PRELID2: variants seen among roughly 807,000 people sequenced by gnomAD.
The protein encoded by PRELID2 is PRELI domain containing 2, also known as PRELI domain-containing protein 2.
A neutral mutation model predicts 28.4 loss-of-function variants in PRELID2; 25 were observed. The observed-to-expected ratio is 0.88, with a 90% CI of 0.64 to 1.23. PRELID2 has a LOEUF of 1.23. Among genes scored for constraint, PRELID2 ranks in the 50% most tolerant of loss-of-function variants. The pLI is 0.00. For missense variants in PRELID2, 201 were observed against 214.4 expected, an observed-to-expected ratio of 0.94 and a Z score of 0.39; for synonymous variants, 76 against 71.6, an observed-to-expected ratio of 1.06 and a Z score of -0.31.
At chr5:145,229,485 T>C in the PRELID2 span, 1 of 1,053,500 alleles carries the variant, frequency 9.5e-7, no homozygotes, top group Non-Finnish European at 1.5e-6. Flanking sequence ...CCTGACATTC[T>C]CAAGATCCAA....
At chr5:145,640,753 C>T (rs1222601685) in intron 1 of PRELID2, among the ~76,000 whole-genome samples, 1 of 151,908 alleles carries the variant, frequency 6.6e-6, no homozygotes. Flanking sequence ...GATTCACCAA[C>T]CCCCCAATAA....
the PRELID2 span, among the ~76,000 whole-genome samples, chr5:145,453,995 G>C: frequency 6.6e-6 from 1 of 152,008 alleles, no homozygotes; most frequent in Non-Finnish European, 1.5e-5. Context: ...TAGGATTCCT[G>C]GGTCAAATGG....
the PRELID2 span, among the ~76,000 whole-genome samples, chr5:145,253,039 G>A: frequency 6.6e-6 from 1 of 152,098 alleles, no homozygotes. Context: ...CAGAAAGAGA[G>A]AAAAATGATT....
chr5:145,490,492 A>G (rs1214119161), intron 1 of PRELID2, among the ~76,000 whole-genome samples: 1 of 152,228 alleles, frequency 6.6e-6, no homozygotes, highest in Non-Finnish European at 1.5e-5. Flanking sequence ...ACAAAAGGAA[A>G]AGAAGAAAAG....
At chr5:145,508,824 G>A (rs1176077665) in intron 1 of PRELID2, among the ~76,000 whole-genome samples, 1 of 152,118 alleles carries the variant, frequency 6.6e-6, no homozygotes, top group East Asian at 1.9e-4. Context: ...ACAGAATGGT[G>A]GACCAAAAAT....
intron 1 of PRELID2, among the ~76,000 whole-genome samples, chr5:145,659,727 C>T (rs1014988441): frequency 1.3e-5 from 2 of 152,116 alleles, no homozygotes; most frequent in African/African-American, 4.8e-5. Flanking sequence ...CACCCAGCCT[C>T]GTGTAAATGC....
At chr5:145,789,954 C>T (rs112859466) in intron 5 of PRELID2, among the ~76,000 whole-genome samples, 14 of 152,270 alleles carry the variant, frequency 9.2e-5, no homozygotes, top group African/African-American at 3.4e-4. Flanking sequence ...GATATCACCT[C>T]ATACTTGTTA....
intron 1 of PRELID2, among the ~76,000 whole-genome samples, chr5:145,587,861 A>G (rs1427223568): frequency 6.6e-6 from 1 of 152,226 alleles, no homozygotes; most frequent in Non-Finnish European, 1.5e-5. Context: ...AACTTTTTTC[A>G]GGCCACTGGG....
chr5:145,567,719 C>T (rs1752980008), intron 1 of PRELID2, among the ~76,000 whole-genome samples: 1 of 151,776 alleles, frequency 6.6e-6, no homozygotes, highest in Admixed American at 6.6e-5. Context: ...CCTGCTGGCA[C>T]TTCTCTTTCC....
At chr5:145,631,288 C>T (rs1753928754) in intron 1 of PRELID2, among the ~76,000 whole-genome samples, 1 of 152,138 alleles carries the variant, frequency 6.6e-6, no homozygotes, top group Admixed American at 6.6e-5. Flanking sequence ...CACCAGTTGG[C>T]AAGTCACTGC....
chr5:145,419,220 T>A, the PRELID2 span, among the ~76,000 whole-genome samples: 7 of 148,386 alleles, frequency 4.7e-5, no homozygotes, highest in Admixed American at 4.1e-4. Context: ...AGCAGCATGA[T>A]TTATAGTCCT....
the PRELID2 span, among the ~76,000 whole-genome samples, chr5:145,360,103 A>G: frequency 2.0e-5 from 3 of 152,220 alleles, no homozygotes; most frequent in Non-Finnish European, 4.4e-5. Flanking sequence ...GGAACCAGCC[A>G]CACTCCTGTG....
rs1043123491 is a variant in PRELID2 at position 145,744,933 on chromosome 5, C to T, written n.70+19998G>A. ...CTGTGCTGAGCTCAAGGAGCATGTT[C>T]TAACCCAATGCAAAGAAGCTAAGAA... On this transcript the variant is annotated intron_variant and non_coding_transcript_variant, in intron 1 of 2. Transcript: ENST00000510259. Among the ~76,000 whole-genome samples, 3 of 151,960 alleles carry T rather than the reference C, an allele frequency of 2.0e-5. No individual in the cohort carries two copies. In the South Asian group the frequency reaches 6.2e-4, roughly 32 times the overall value.
At chr5:145,826,282 TCTTC>T in intron 1 of PRELID2, 6 of 578,208 alleles carry the variant, frequency 1.0e-5, no homozygotes, top group Non-Finnish European at 1.3e-5. Flanking sequence ...CACATGGGAT[TCTTC>T]AATCCCCATT....
intron 1 of PRELID2, among the ~76,000 whole-genome samples, chr5:145,617,322 G>A (rs182194421): frequency 1.3e-5 from 2 of 152,274 alleles, no homozygotes; most frequent in East Asian, 3.9e-4. Context: ...TGGGGAAGTG[G>A]TAAGTGTCCA....
chr5:145,654,245 A>T (rs1431192013), intron 1 of PRELID2, among the ~76,000 whole-genome samples: 2 of 152,224 alleles, frequency 1.3e-5, no homozygotes, highest in Non-Finnish European at 2.9e-5. Flanking sequence ...TCTGAAATTG[A>T]GGCAATAATT....
At chr5:145,421,664 T>C in the PRELID2 span, among the ~76,000 whole-genome samples, 83 of 143,284 alleles carry the variant, frequency 5.8e-4, 2 homozygotes, top group Non-Finnish European at 1.1e-3. Flanking sequence ...ATCAATTTTG[T>C]TGATCCTTTC....
chr5:145,384,254 A>G, the PRELID2 span, among the ~76,000 whole-genome samples: 24 of 152,198 alleles, frequency 1.6e-4, no homozygotes, highest in Non-Finnish European at 3.4e-4. Flanking sequence ...TGTTTCACAT[A>G]GGCATTTATC....
intron 1 of PRELID2, among the ~76,000 whole-genome samples, chr5:145,726,503 G>C (rs1654146): frequency 6.6e-6 from 1 of 151,986 alleles, no homozygotes; most frequent in Non-Finnish European, 1.5e-5. Context: ...TTAATTCCTG[G>C]AGATGGATGA....
Sources: gnomAD v4.1 joint callset for allele counts (sites outside exome capture counted in the v4.1 genomes callset) on GRCh38, gnomAD v4.1.1 for gene constraint, MANE v1.5 for transcripts, NCBI Gene and HGNC (gene_info 2026-07-23, HGNC 2026-07-21) for gene names.